Variants in ATP8A1 observed in about 807,000 individuals in gnomAD.
ATP8A1 encodes phospholipid-transporting ATPase IA.
In ATP8A1, 90 loss-of-function variants were observed where a neutral mutation model predicts 177.7. That is an observed-to-expected ratio of 0.51 (90% CI 0.43 to 0.60). The LOEUF is 0.60. ATP8A1 is among the 20% of genes least tolerant of loss of function. The pLI is 0.00. For synonymous variants in ATP8A1, 493 were observed against 485.9 expected (o/e 1.01, Z -0.19); for missense variants, 1,072 against 1,392.8 (o/e 0.77, Z 3.67).
At chr4:42,582,250 G>A (rs1156372516) in intron 9 of ATP8A1, among the ~76,000 whole-genome samples, 1 of 152,100 alleles carries the variant, frequency 6.6e-6, no homozygotes, top group Non-Finnish European at 1.5e-5. Context: ...GGAAATGTGA[G>A]AAAAATAAAT....
At chr4:42,500,646 T>A (rs1474200698) in intron 24 of ATP8A1, among the ~76,000 whole-genome samples, 4 of 152,116 alleles carry the variant, frequency 2.6e-5, no homozygotes, top group African/African-American at 9.7e-5. Flanking sequence ...GGTGGGTAAC[T>A]GGGTGAGAAC....
rs1169331732 is a variant in ATP8A1 at position 42,465,004 on chromosome 4, G to A, written c.2397C>T (p.Ile799=). The A allele has an allele frequency of 2.6e-5, 42 of 1,614,030 alleles. No individual in the cohort carries two copies. Among genetic ancestry groups the A allele is most frequent in the Non-Finnish European group, 3.5e-5 (41 of 1,180,022 alleles). The change falls in exon 26 of 37, where the codon ATC becomes ATT. Residue 799 remains isoleucine (I), a synonymous_variant. Coordinates refer to ENST00000381668, the MANE Select transcript of ATP8A1 (RefSeq NM_006095.2). ...KKQVKVVTLA[I]GDGANDVSMI... is the part of the protein sequence containing the mutation. ...TGCTGACATCATTTGCTCCATCACC[G>A]ATTGCAAGCGTTACGACTTTGACTT...
At chr4:42,540,368 T>G (rs948049281) in intron 20 of ATP8A1, among the ~76,000 whole-genome samples, 33 of 152,088 alleles carry the variant, frequency 2.2e-4, no homozygotes, top group African/African-American at 7.7e-4. Context: ...GAAAATAGTA[T>G]AGAGAGTTCT....
intron 25 of ATP8A1, among the ~76,000 whole-genome samples, chr4:42,478,991 T>A (rs1721379423): frequency 6.6e-6 from 1 of 152,212 alleles, no homozygotes; most frequent in South Asian, 2.1e-4. Flanking sequence ...AAAGGAACAG[T>A]CTAGAAATTA....
intron 21 of ATP8A1, 104 bp from the exon 22 acceptor site, chr4:42,522,403 C>A: frequency 7.6e-7 from 1 of 1,321,652 alleles, no homozygotes; most frequent in South Asian, 1.3e-5. Flanking sequence ...AAAAGTGATT[C>A]CATACAAACA....
At chr4:42,632,564 C>A (rs760383327) in intron 1 of ATP8A1, among the ~76,000 whole-genome samples, 1 of 152,178 alleles carries the variant, frequency 6.6e-6, no homozygotes, top group Non-Finnish European at 1.5e-5. Flanking sequence ...TCACATGTAA[C>A]TTTTAACTAC....
At chr4:42,617,736 T>C (rs1737057173) in intron 4 of ATP8A1, among the ~76,000 whole-genome samples, 1 of 152,364 alleles carries the variant, frequency 6.6e-6, no homozygotes, top group African/African-American at 2.4e-5. Flanking sequence ...AATTTAATCT[T>C]AGTGAAACCC....
At chr4:42,413,995 C>T (rs140968378) in intron 36 of ATP8A1, among the ~76,000 whole-genome samples, 118 of 152,326 alleles carry the variant, frequency 7.7e-4, no homozygotes, top group Non-Finnish European at 1.3e-3. Context: ...TAAGGAATGG[C>T]CCCCAAGGGG....
chr4:42,606,762 T>C (rs942176239), intron 5 of ATP8A1, among the ~76,000 whole-genome samples: 5 of 152,176 alleles, frequency 3.3e-5, no homozygotes, highest in African/African-American at 1.2e-4. Context: ...ACCACAGCAA[T>C]GAAATATATT....
chr4:42,616,777 T>C (rs931800076), intron 4 of ATP8A1, among the ~76,000 whole-genome samples: 2 of 152,244 alleles, frequency 1.3e-5, no homozygotes, highest in East Asian at 1.9e-4. Flanking sequence ...GTTTGAAGAG[T>C]TGCATAAGCC....
intron 27 of ATP8A1, among the ~76,000 whole-genome samples, chr4:42,458,012 T>G (rs1409801283): frequency 6.6e-6 from 1 of 152,162 alleles, no homozygotes; most frequent in Non-Finnish European, 1.5e-5. Flanking sequence ...AAGAAATGAC[T>G]AGGTAAGAAC....
At chr4:42,473,778 T>C (rs991270597) in intron 25 of ATP8A1, among the ~76,000 whole-genome samples, 2 of 151,562 alleles carry the variant, frequency 1.3e-5, no homozygotes, top group East Asian at 3.9e-4. Context: ...CCCGAGTAGC[T>C]GGGACTAAAA....
intron 35 of ATP8A1, among the ~76,000 whole-genome samples, chr4:42,416,407 T>C (rs1477176602): frequency 6.6e-6 from 1 of 152,136 alleles, no homozygotes; most frequent in African/African-American, 2.4e-5. Flanking sequence ...TACTTTAATA[T>C]TACAATATTA....
chr4:42,578,521 C>A, intron 11 of ATP8A1, 134 bp from the exon 12 acceptor site: 1 of 952,752 alleles, frequency 1.0e-6, no homozygotes, highest in Admixed American at 2.4e-5. Flanking sequence ...TGCTGATAAT[C>A]TATCCTAATT....
intron 27 of ATP8A1, among the ~76,000 whole-genome samples, chr4:42,457,853 C>T (rs1357516201): frequency 6.6e-6 from 1 of 152,158 alleles, no homozygotes; most frequent in Non-Finnish European, 1.5e-5. Flanking sequence ...AATGCATGAC[C>T]TGCTTTATAC....
At chr4:42,571,936 A>T (rs1298477097) in intron 14 of ATP8A1, among the ~76,000 whole-genome samples, 2 of 152,188 alleles carry the variant, frequency 1.3e-5, no homozygotes, top group African/African-American at 4.8e-5. Context: ...GTTAATTATA[A>T]TTTTCTTACA....
intron 24 of ATP8A1, among the ~76,000 whole-genome samples, chr4:42,492,248 G>C (rs1369188598): frequency 1.3e-5 from 2 of 152,008 alleles, no homozygotes; most frequent in Non-Finnish European, 2.9e-5. Context: ...AATGTGTGCA[G>C]GTCAAATGAT....
At chr4:42,492,594 C>A (rs1293453445) in intron 24 of ATP8A1, among the ~76,000 whole-genome samples, 1 of 152,164 alleles carries the variant, frequency 6.6e-6, no homozygotes, top group East Asian at 1.9e-4. Context: ...TCAAGAGACA[C>A]CAAATCTGCT....
intron 10 of ATP8A1, 49 bp downstream of exon 10, chr4:42,581,572 C>A: frequency 7.6e-7 from 1 of 1,314,668 alleles, no homozygotes; most frequent in Middle Eastern, 1.8e-4. Flanking sequence ...GTAAATCATA[C>A]ACTCACAAAA....
Sources: gnomAD v4.1 joint callset for allele counts (sites outside exome capture counted in the v4.1 genomes callset) on GRCh38, gnomAD v4.1.1 for gene constraint, MANE v1.5 for transcripts, NCBI Gene and HGNC (gene_info 2026-07-23, HGNC 2026-07-21) for gene names.